The following SMURF1 variants were observed in gnomAD, a reference collection of about 807,000 sequenced individuals.
SMURF1 encodes the protein E3 ubiquitin-protein ligase SMURF1.
A neutral mutation model predicts 98.0 loss-of-function variants in SMURF1; 44 were observed. The ratio of observed to expected loss-of-function variants is 0.45; its 90% CI spans 0.35 to 0.58. The LOEUF is 0.58. Ranked by LOEUF, SMURF1 falls within the 20% of genes least tolerant of loss-of-function variation. The pLI, the probability that SMURF1 is intolerant of heterozygous loss-of-function variation, is 0.00. For missense variants in SMURF1, 687 were observed against 938.4 expected (o/e 0.73, Z 3.50); for synonymous variants, 396 against 374.9 (o/e 1.06, Z -0.65).
chr7:99,029,976 A>G lies in SMURF1; in HGVS notation c.*608T>C, dbSNP rs1794820895. The stretch of plus-strand genomic sequence containing the variant: ...GCTGCTCCAATTCCTTCTCCTTTCA[A>G]AGGGGAAACACATTTTGACTCAAGC... On this transcript the variant is annotated 3_prime_UTR_variant, in exon 18 of 18. Coordinates refer to ENST00000361368, the MANE Select transcript of SMURF1 (RefSeq NM_181349.3). The G allele has an allele frequency of 6.6e-6, 1 of 152,242 alleles. No homozygotes were observed. The highest frequency in any genetic ancestry group is 2.4e-5 in the African/African-American group (1 of 41,458). 9.4% of individuals were successfully genotyped at this position (152,242 alleles called of 1,614,324 possible).
At chr7:99,062,454 T>C (rs1796055020) in intron 1 of SMURF1, among the ~76,000 whole-genome samples, 1 of 152,150 alleles carries the variant, frequency 6.6e-6, no homozygotes, top group South Asian at 2.1e-4. Flanking sequence ...AAATGTAAAC[T>C]TTGATATGTT....
intron 1 of SMURF1, among the ~76,000 whole-genome samples, chr7:99,065,510 A>G (rs1382358959): frequency 6.6e-6 from 1 of 152,146 alleles, no homozygotes; most frequent in Non-Finnish European, 1.5e-5. Context: ...TGTTATTTGG[A>G]TATAGACGAG....
At chr7:99,046,088 A>G (rs1045517586) in intron 10 of SMURF1, among the ~76,000 whole-genome samples, 1 of 152,136 alleles carries the variant, frequency 6.6e-6, no homozygotes, top group African/African-American at 2.4e-5. Flanking sequence ...GACAAAACTC[A>G]CTAGGGTTGA....
intron 1 of SMURF1, among the ~76,000 whole-genome samples, chr7:99,134,531 A>C (rs1296578057): frequency 1.3e-5 from 2 of 152,206 alleles, no homozygotes; most frequent in African/African-American, 4.8e-5. Flanking sequence ...GAGGGGAAAA[A>C]AGCAAATATA....
In SMURF1 at chr7:99,028,050, T is replaced by G. The variant is rs1383901731; in HGVS notation, c.*2534A>C. On this transcript the variant is annotated 3_prime_UTR_variant, in exon 18 of 18. Coordinates refer to ENST00000361368, the MANE Select transcript of SMURF1 (RefSeq NM_181349.3). Reference sequence around the variant, plus strand: ...GTTAGCTACATCCCTGAGTGTCGGCTGACGGCCGCTGGTGAGGGCAAGCCT... The same window carrying G: ...GTTAGCTACATCCCTGAGTGTCGGCGGACGGCCGCTGGTGAGGGCAAGCCT... 1.3e-5 allele frequency: 2 copies of G among 152,612 alleles called. No homozygotes were observed. Among genetic ancestry groups the G allele is most frequent in the African/African-American group, 2.4e-5 (1 of 41,410 alleles). The allele number at this position is 152,612 out of a possible 1,614,324, so 9.5% of individuals were successfully genotyped here.
chr7:99,085,801 C>T (rs1320407287), intron 1 of SMURF1, among the ~76,000 whole-genome samples: 1 of 152,206 alleles, frequency 6.6e-6, no homozygotes, highest in African/African-American at 2.4e-5. Context: ...TTAACTGTCT[C>T]TACAGTTTTG....
At position 99,028,995 on chromosome 7, in the gene SMURF1, C is replaced by G. The variant is rs780502126; in HGVS notation, c.*1589G>C. ...CAGAACTTTTCAAAGAGGCTAAGCC[C>G]ACCATTTGGCCTGGACTTTTGGAAT... is the stretch of plus-strand genomic sequence containing the variant. On this transcript the variant is annotated 3_prime_UTR_variant, in exon 18 of 18. Transcript: ENST00000361368. The G allele has an allele frequency of 1.3e-5, 2 of 152,334 alleles. No homozygotes were observed. Among genetic ancestry groups the G allele is most frequent in the Non-Finnish European group, 2.9e-5 (2 of 68,108 alleles). The allele number at this position is 152,334 out of a possible 1,614,324, so 9.4% of individuals were successfully genotyped here.
intron 1 of SMURF1, among the ~76,000 whole-genome samples, chr7:99,063,283 A>AAGATT (rs1392794251): frequency 1.2e-4 from 2 of 17,346 alleles, no homozygotes; most frequent in African/African-American, 2.7e-4. Flanking sequence ...ATATATATAT[A>AAGATT]TATATATATA....
intron 13 of SMURF1, among the ~76,000 whole-genome samples, chr7:99,039,795 T>C (rs370056874): frequency 8.5e-5 from 13 of 152,326 alleles, no homozygotes; most frequent in African/African-American, 2.9e-4. Context: ...AGCCTGATGT[T>C]TTGTCCCCGT....
At position 99,054,952 on chromosome 7, in the gene SMURF1, T is replaced by C. The variant is rs146319251; in HGVS notation, c.404-87A>G. 346 of 1,222,548 alleles carry C rather than the reference T, an allele frequency of 2.8e-4. No homozygotes were observed. The African/African-American group carries it at 3.9e-3, about 14-fold the overall frequency. 75.7% of individuals were successfully genotyped at this position (1,222,548 alleles called of 1,614,324 possible). On this transcript the variant is annotated intron_variant, in intron 5 of 17. Coordinates refer to ENST00000361368, the MANE Select transcript of SMURF1 (RefSeq NM_181349.3). Reference sequence around the variant, plus strand: ...TGAGTCATTGCTAATTTAGAATTTATGTACAATATCATAAAAAACGAGGCA... The same window carrying C: ...TGAGTCATTGCTAATTTAGAATTTACGTACAATATCATAAAAAACGAGGCA...
Position 99,065,157 on chromosome 7 carries a change from G to A in SMURF1, c.56-3320C>T, listed in dbSNP as rs563258567. Among the ~76,000 whole-genome samples the A allele has an allele frequency of 6.6e-5, 10 of 151,494 alleles. No individual in the cohort carries two copies. The East Asian group carries it at 1.4e-3, about 21-fold the overall frequency. ...CGCCCAGGCTGGAGTGCAGTGGTGCGATCACAGCTCACTGCAGCCTTGAGC... is the reference window on the plus strand; with the variant it reads ...CGCCCAGGCTGGAGTGCAGTGGTGCAATCACAGCTCACTGCAGCCTTGAGC... On this transcript the variant is annotated intron_variant, in intron 1 of 17. Coordinates refer to ENST00000361368, the MANE Select transcript of SMURF1 (RefSeq NM_181349.3).
At chr7:99,142,255 G>A (rs866593965) in intron 1 of SMURF1, among the ~76,000 whole-genome samples, 1 of 152,204 alleles carries the variant, frequency 6.6e-6, no homozygotes, top group Non-Finnish European at 1.5e-5. Context: ...AGGAGCCTGC[G>A]TGTGGGCAGC....
intron 15 of SMURF1, chr7:99,036,189 A>C: frequency 1.1e-5 from 2 of 189,468 alleles, no homozygotes; most frequent in Non-Finnish European, 2.2e-5. Flanking sequence ...AAAAAGTTCA[A>C]CCCCTGCTGG....
intron 1 of SMURF1, among the ~76,000 whole-genome samples, chr7:99,064,045 TTGTC>T (rs1298098597): frequency 6.6e-6 from 1 of 152,216 alleles, no homozygotes; most frequent in African/African-American, 2.4e-5. Context: ...TGTTTGGCCT[TTGTC>T]TATTGATACG....
At chr7:99,117,616 G>T (rs1797488706) in intron 1 of SMURF1, among the ~76,000 whole-genome samples, 1 of 151,304 alleles carries the variant, frequency 6.6e-6, no homozygotes, top group Non-Finnish European at 1.5e-5. Context: ...CTCCCAAAGT[G>T]CTGGGATTAC....
intron 1 of SMURF1, among the ~76,000 whole-genome samples, chr7:99,129,881 T>A (rs1238038000): frequency 6.6e-6 from 1 of 152,216 alleles, no homozygotes. Flanking sequence ...ACAAAAACTT[T>A]TTTTCTTTTT....
intron 1 of SMURF1, among the ~76,000 whole-genome samples, chr7:99,129,068 T>C (rs1797805179): frequency 6.6e-6 from 1 of 152,222 alleles, no homozygotes; most frequent in Non-Finnish European, 1.5e-5. Context: ...TGGTGTATAT[T>C]TATGAGTATG....
intron 1 of SMURF1, among the ~76,000 whole-genome samples, chr7:99,091,991 G>T (rs1280256484): frequency 6.6e-6 from 1 of 152,140 alleles, no homozygotes; most frequent in Non-Finnish European, 1.5e-5. Context: ...AGTCCGGTTT[G>T]GCTATTTCCC....
intron 1 of SMURF1, among the ~76,000 whole-genome samples, chr7:99,092,122 A>G (rs931131298): frequency 5.9e-5 from 9 of 152,228 alleles, no homozygotes; most frequent in African/African-American, 1.9e-4. Flanking sequence ...TAGGTATCAA[A>G]TAAAGATAGC....
Sources: allele counts gnomAD v4.1 joint callset (sites outside exome capture counted in the v4.1 genomes callset), GRCh38; gene constraint gnomAD v4.1.1; transcripts MANE v1.5; gene names NCBI Gene and HGNC (gene_info 2026-07-23, HGNC 2026-07-21).